The following KIAA1217 variants were observed in gnomAD, a reference collection of about 807,000 sequenced individuals.
KIAA1217 encodes sickle tail protein homolog.
Under a neutral mutation model 163.9 loss-of-function variants are expected in KIAA1217, and 88 were observed. That is an observed-to-expected ratio of 0.54 (90% CI 0.45 to 0.64). The LOEUF is 0.64. Among genes scored for constraint, KIAA1217 ranks in the 30% least tolerant of loss-of-function variants. The pLI is 0.00. For missense variants in KIAA1217, 2,372 were observed against 2,475.0 expected (o/e 0.96, Z 0.88); for synonymous variants, 903 against 923.1 (o/e 0.98, Z 0.39).
At position 24,101,262 on chromosome 10, in the gene KIAA1217, T is replaced by C. The variant is rs117415484; in HGVS notation, c.-171+93888T>C. Among the ~76,000 whole-genome samples the C allele has an allele frequency of 1.8e-3, 276 of 152,330 alleles. 6 individuals are homozygous for C. The East Asian group carries it at 0.047, about 26-fold the overall frequency. ...CTGATGGGACATCTGAGAAGATCAT[T>C]AGCAGTGGCCACACGGTATTGGCAC... On this transcript the variant is annotated intron_variant, in intron 2 of 18. Coordinates refer to the KIAA1217 transcript ENST00000376462.
intron 2 of KIAA1217, among the ~76,000 whole-genome samples, chr10:24,058,259 G>C (rs1221690859): frequency 2.0e-5 from 3 of 152,122 alleles, no homozygotes; most frequent in Middle Eastern, 3.2e-3. Flanking sequence ...CTATATGTCT[G>C]TCTTTATGCC....
At chr10:24,080,399 A>G (rs1361009994) in intron 2 of KIAA1217, among the ~76,000 whole-genome samples, 1 of 152,166 alleles carries the variant, frequency 6.6e-6, no homozygotes, top group African/African-American at 2.4e-5. Flanking sequence ...CGTGACTAGT[A>G]TTGTTCAATG....
At chr10:23,931,759 T>C (rs1843260987) in intron 1 of KIAA1217, among the ~76,000 whole-genome samples, 1 of 152,178 alleles carries the variant, frequency 6.6e-6, no homozygotes, top group Non-Finnish European at 1.5e-5. Context: ...AGATATGCAG[T>C]TTCTTAAAAC....
chr10:24,448,292 C>T (rs1053473144), intron 5 of KIAA1217, among the ~76,000 whole-genome samples: 2 of 152,004 alleles, frequency 1.3e-5, no homozygotes, highest in African/African-American at 2.4e-5. Context: ...TGTGGTAGAA[C>T]GTAAACTAAA....
At chr10:23,940,459 T>C (rs1843714595) in intron 1 of KIAA1217, among the ~76,000 whole-genome samples, 1 of 28,824 alleles carries the variant, frequency 3.5e-5, no homozygotes, top group African/African-American at 1.6e-4. Flanking sequence ...AGACTCCGTC[T>C]CAAAAAAAAA....
rs2064978356 is a variant in KIAA1217 at position 24,158,462 on chromosome 10, A to G, written c.-170-61164A>G. ...ATGTCTAACACAGGAAATTGAATGT[A>G]TATTCATTATCAGTCTAAACTGCAG... On this transcript the variant is annotated intron_variant, in intron 2 of 18. Coordinates refer to the KIAA1217 transcript ENST00000376462. 2 of 545,904 alleles carry G rather than the reference A, an allele frequency of 3.7e-6. 1 individual carries two copies. Among genetic ancestry groups the G allele is most frequent in the African/African-American group, 3.8e-5 (2 of 52,788 alleles). The allele number at this position is 545,904 out of a possible 1,614,324, so 33.8% of individuals were successfully genotyped here.
chr10:23,969,780 T>C (rs756442548), intron 1 of KIAA1217, among the ~76,000 whole-genome samples: 3 of 152,240 alleles, frequency 2.0e-5, no homozygotes, highest in Non-Finnish European at 4.4e-5. Context: ...AAGTTGTTAA[T>C]TTCTGTTGAA....
At chr10:24,267,708 G>T (rs2076368188) in intron 2 of KIAA1217, among the ~76,000 whole-genome samples, 1 of 152,136 alleles carries the variant, frequency 6.6e-6, no homozygotes, top group South Asian at 2.1e-4. Flanking sequence ...TTTGTATTTT[G>T]TAGTTAATGC....
chr10:24,493,973 AT>A (rs1348340273), intron 6 of KIAA1217, among the ~76,000 whole-genome samples: 2 of 152,098 alleles, frequency 1.3e-5, no homozygotes, highest in Middle Eastern at 3.4e-3. Flanking sequence ...TTTCAGTCAT[AT>A]TTCTCCATGG....
rs147791369 is a variant in KIAA1217 at position 23,803,526 on chromosome 10, G to A, written c.-321+108292G>A. 4.4e-3 allele frequency among the ~76,000 whole-genome samples: 675 copies of A among 152,328 alleles called. 3 individuals carry two copies. The highest frequency in any genetic ancestry group is 7.2e-3 in the Non-Finnish European group (491 of 68,024). On this transcript the variant is annotated intron_variant, in intron 1 of 18. Coordinates refer to the KIAA1217 transcript ENST00000376462. ...AGGTTTCTTTTGAAACTAAATCACAGTCAGTTTCTCCCTTTGCCCTATCCT... is the reference window on the plus strand; with the variant it reads ...AGGTTTCTTTTGAAACTAAATCACAATCAGTTTCTCCCTTTGCCCTATCCT...
At position 23,838,936 on chromosome 10, in the gene KIAA1217, A is replaced by C. The variant is rs1838628672; in HGVS notation, c.-321+143702A>C. ...CTGTTCTTGCACCTGCAGGGCTACC[A>C]ATTATACATAAATACAGGATTTTTT... On this transcript the variant is annotated intron_variant, in intron 1 of 18. Coordinates refer to the KIAA1217 transcript ENST00000376462. Among the ~76,000 whole-genome samples, 6 of 152,262 alleles carry C rather than the reference A, an allele frequency of 3.9e-5. 1 individual carries two copies. In the South Asian group the frequency reaches 1.2e-3, roughly 32 times the overall value.
chr10:23,881,495 C>T (rs953453807), intron 1 of KIAA1217, among the ~76,000 whole-genome samples: 1 of 151,822 alleles, frequency 6.6e-6, no homozygotes, highest in Non-Finnish European at 1.5e-5. Flanking sequence ...TGTATGTCTC[C>T]GCCTATTTTG....
At chr10:24,355,584 T>G (rs998296230) in intron 2 of KIAA1217, among the ~76,000 whole-genome samples, 1 of 151,904 alleles carries the variant, frequency 6.6e-6, no homozygotes, top group Admixed American at 6.6e-5. Context: ...TACTATCACA[T>G]TGGAGATTAG....
chr10:24,046,622 T>A (rs1316218581), intron 2 of KIAA1217, among the ~76,000 whole-genome samples: 1 of 152,080 alleles, frequency 6.6e-6, no homozygotes, highest in African/African-American at 2.4e-5. Flanking sequence ...TCATGAGAAT[T>A]CACTCACTAT....
intron 2 of KIAA1217, among the ~76,000 whole-genome samples, chr10:24,175,387 G>T (rs2065828953): frequency 6.6e-6 from 1 of 152,024 alleles, no homozygotes; most frequent in African/African-American, 2.4e-5. Flanking sequence ...AGGTAGCTGT[G>T]AATGCCATTA....
At chr10:23,868,885 A>G (rs974841215) in intron 1 of KIAA1217, among the ~76,000 whole-genome samples, 1 of 152,186 alleles carries the variant, frequency 6.6e-6, no homozygotes, top group East Asian at 1.9e-4. Flanking sequence ...TGGAAAAACT[A>G]GAATGTTTTA....
At chr10:24,538,952 T>A (rs1488646728) in intron 17 of KIAA1217, among the ~76,000 whole-genome samples, 1 of 151,974 alleles carries the variant, frequency 6.6e-6, no homozygotes, top group African/African-American at 2.4e-5. Flanking sequence ...CAGGTTGGTC[T>A]TGAACTCCTG....
intron 2 of KIAA1217, among the ~76,000 whole-genome samples, chr10:24,086,682 G>T (rs2061709311): frequency 6.6e-6 from 1 of 152,154 alleles, no homozygotes; most frequent in Non-Finnish European, 1.5e-5. Context: ...AAGGGAAGAA[G>T]AGAGAATAAT....
intron 1 of KIAA1217, among the ~76,000 whole-genome samples, chr10:23,932,047 A>T (rs1366030516): frequency 6.6e-6 from 1 of 152,094 alleles, no homozygotes; most frequent in African/African-American, 2.4e-5. Flanking sequence ...GCAGGGAGAG[A>T]GCAGAAGAAT....
Sources: gnomAD v4.1 joint callset for allele counts (sites outside exome capture counted in the v4.1 genomes callset) on GRCh38, gnomAD v4.1.1 for gene constraint, MANE v1.5 for transcripts, NCBI Gene and HGNC (gene_info 2026-07-23, HGNC 2026-07-21) for gene names.